ZNF354B: variants seen among roughly 807,000 people sequenced by gnomAD.
The protein encoded by ZNF354B is zinc finger protein 354B.
ZNF354B carries 10 observed loss-of-function variants against 12.9 expected under a neutral mutation model. The observed-to-expected ratio is 0.77, with a 90% CI of 0.48 to 1.31. The LOEUF (loss-of-function observed/expected upper bound fraction) is 1.31. Ranked by LOEUF, ZNF354B falls within the 40% of genes most tolerant of loss-of-function variation. The pLI is 0.00. For synonymous variants in ZNF354B, 260 were observed against 243.7 expected (o/e 1.07, Z -0.62); for missense variants, 614 against 711.7 (o/e 0.86, Z 1.56).
intron 2 of ZNF354B, among the ~76,000 whole-genome samples, chr5:178,864,862 G>T (rs1277237172): frequency 6.6e-6 from 1 of 151,982 alleles, no homozygotes; most frequent in African/African-American, 2.4e-5. Context: ...AGCTCAGGCA[G>T]TCCACCCGCC....
intron 4 of ZNF354B, among the ~76,000 whole-genome samples, chr5:178,871,305 C>G (rs1176949330): frequency 6.6e-6 from 1 of 152,182 alleles, no homozygotes; most frequent in Non-Finnish European, 1.5e-5. Context: ...AGCAGGCCCC[C>G]ACTCAGGGCC....
In ZNF354B at chr5:178,884,335, G is replaced by T; in HGVS notation, c.*44G>T. The stretch of plus-strand genomic sequence containing the variant: ...CATCAGAGAATACATGCTTGAGAGT[G>T]ATTTATTAAATATAATGAATATGAG... On this transcript the variant is annotated 3_prime_UTR_variant, in exon 5 of 5. Coordinates refer to ENST00000322434, the MANE Select transcript of ZNF354B (RefSeq NM_058230.3). 1 of 1,516,368 alleles carries T rather than the reference G, an allele frequency of 6.6e-7. No homozygotes were observed. The highest frequency in any genetic ancestry group is 8.8e-7 in the Non-Finnish European group (1 of 1,134,536). 93.9% of individuals were successfully genotyped at this position (1,516,368 alleles called of 1,614,324 possible).
intron 4 of ZNF354B, among the ~76,000 whole-genome samples, chr5:178,867,926 C>A (rs769415519): frequency 6.6e-6 from 1 of 152,106 alleles, no homozygotes; most frequent in Non-Finnish European, 1.5e-5. Flanking sequence ...CAGATGGTCA[C>A]TTTGGGAGTA....
chr5:178,868,160 G>A lies in ZNF354B; in HGVS notation c.256+1089G>A, dbSNP rs1464974097. ...TCAGGTGGGGAACCCTGGTGGGCAGGTGTGTAAGTGACAGGGCCGAGACTC... is the reference window on the plus strand; with the variant it reads ...TCAGGTGGGGAACCCTGGTGGGCAGATGTGTAAGTGACAGGGCCGAGACTC... On this transcript the variant is annotated intron_variant, in intron 4 of 4. Transcript: ENST00000322434. Among the ~76,000 whole-genome samples, 4 of 151,478 alleles carry A rather than the reference G, an allele frequency of 2.6e-5. No homozygotes were observed. In the East Asian group the frequency reaches 7.7e-4, roughly 29 times the overall value.
At position 178,883,188 on chromosome 5, in the gene ZNF354B, G is replaced by C. The variant is rs773588921; in HGVS notation, c.736G>C (p.Glu246Gln). The change falls in exon 5 of 5, where the codon GAA (glutamate) becomes CAA (glutamine). Residue 246 changes from glutamate (E) to glutamine (Q), a missense_variant. By Grantham distance (29) the Glu-to-Gln change is conservative (BLOSUM62 2). Transcript: ENST00000322434. ...HTGEKLFKCK[E>Q]CLKAFSQSSA... ...TGGAGAAAAATTATTTAAATGTAAA[G>C]AATGTTTAAAAGCTTTCAGCCAAAG... is the stretch of plus-strand genomic sequence containing the variant. The C allele has an allele frequency of 9.3e-6, 15 of 1,613,378 alleles. No homozygotes were observed. The highest frequency in any genetic ancestry group is 1.3e-5 in the Non-Finnish European group (15 of 1,179,874).
intron 4 of ZNF354B, among the ~76,000 whole-genome samples, chr5:178,877,357 A>G (rs534812554): frequency 6.6e-6 from 1 of 152,112 alleles, no homozygotes; most frequent in South Asian, 2.1e-4. Context: ...TTTAGTAGAG[A>G]CAGGATTTCC....
rs1320584701 is a variant in ZNF354B at position 178,883,297 on chromosome 5, G to C, written c.845G>C (p.Ser282Thr). Residue 282 changes from serine (S) to threonine (T), a missense_variant, in exon 5 of 5, where the codon AGT becomes ACT. Physicochemically the swap from Ser to Thr is moderately conservative, Grantham distance 58. Transcript: ENST00000322434. ...CKECGKAFSHSASLCKHLRTH... is the reference protein window; with the variant it reads ...CKECGKAFSHTASLCKHLRTH... Reference sequence around the variant, plus strand: ...GAATGTGGGAAAGCCTTCAGCCATAGTGCATCCCTTTGTAAGCATTTAAGG... The same window carrying C: ...GAATGTGGGAAAGCCTTCAGCCATACTGCATCCCTTTGTAAGCATTTAAGG... 2 of 1,613,772 alleles carry C rather than the reference G, an allele frequency of 1.2e-6. No individual in the cohort carries two copies. The highest frequency in any genetic ancestry group is 2.7e-5 in the African/African-American group (2 of 74,896).
At chr5:178,875,657 G>A (rs1757625409) in intron 4 of ZNF354B, among the ~76,000 whole-genome samples, 1 of 152,216 alleles carries the variant, frequency 6.6e-6, no homozygotes, top group Non-Finnish European at 1.5e-5. Flanking sequence ...TCAGCCGAGG[G>A]GCGAGGTGGC....
At chr5:178,881,712 C>T (rs924906913) in intron 4 of ZNF354B, among the ~76,000 whole-genome samples, 1 of 152,064 alleles carries the variant, frequency 6.6e-6, no homozygotes, top group Admixed American at 6.6e-5. Flanking sequence ...GGCGCAATCT[C>T]GGCTCACTGC....
chr5:178,870,402 C>T (rs184225026), intron 4 of ZNF354B, among the ~76,000 whole-genome samples: 19 of 152,230 alleles, frequency 1.2e-4, no homozygotes, highest in East Asian at 9.7e-4. Flanking sequence ...TCAGCCTCTC[C>T]GGTAGCTGGG....
rs75444240 is a variant in ZNF354B, at chr5:178,870,710, T to C, written c.256+3639T>C. Among the ~76,000 whole-genome samples, 1,634 of 152,326 alleles carry C rather than the reference T, an allele frequency of 0.011. 63 individuals are homozygous for C. The East Asian group carries it at 0.13, about 12-fold the overall frequency. ...CAGGGAGGACTGTCTTTTCCTGATTTGCACAGGATGCTGTGGGGCTTAGCA... is the reference window on the plus strand; with the variant it reads ...CAGGGAGGACTGTCTTTTCCTGATTCGCACAGGATGCTGTGGGGCTTAGCA... On this transcript the variant is annotated intron_variant, in intron 4 of 4. Transcript: ENST00000322434.
chr5:178,861,552 T>G (rs751373658), intron 2 of ZNF354B, among the ~76,000 whole-genome samples: 4 of 152,252 alleles, frequency 2.6e-5, no homozygotes, highest in Non-Finnish European at 5.9e-5. Context: ...TGTATCACTG[T>G]CTTGAAATCT....
chr5:178,881,305 G>T (rs76774003), intron 4 of ZNF354B, among the ~76,000 whole-genome samples: 21,350 of 152,024 alleles, frequency 0.14, 1,741 homozygotes, highest in African/African-American at 0.23. Flanking sequence ...TCAAAAGTAT[G>T]CTGCTAAACA....
rs77941319 is a variant in ZNF354B at position 178,865,660 on chromosome 5, G to A, written c.34-584G>A. ...ATTTTCTTCATAAGGTAATTGTGAA[G>A]GTTAGATACAGTATATACTAATGAT... On this transcript the variant is annotated intron_variant, in intron 2 of 4. Transcript: ENST00000322434. Among the ~76,000 whole-genome samples, 1,221 of 152,244 alleles carry A rather than the reference G, an allele frequency of 8.0e-3. 63 individuals carry two copies. In the East Asian group the frequency reaches 0.13, roughly 16 times the overall value.
intron 4 of ZNF354B, among the ~76,000 whole-genome samples, chr5:178,868,321 C>T (rs1332138007): frequency 6.8e-6 from 1 of 147,898 alleles, no homozygotes; most frequent in Non-Finnish European, 1.5e-5. Flanking sequence ...CTGACAGAGC[C>T]CGAGAAGTAA....
At chr5:178,866,429 T>C in intron 3 of ZNF354B, 59 bp downstream of exon 3, 2 of 1,563,410 alleles carry the variant, frequency 1.3e-6, no homozygotes, top group South Asian at 1.2e-5. Flanking sequence ...CAGCACCTCC[T>C]TCCCTGAATA....
rs138408377 is a variant in ZNF354B at position 178,863,799 on chromosome 5, A to G, written c.34-2445A>G. On this transcript the variant is annotated intron_variant, in intron 2 of 4. Coordinates refer to ENST00000322434, the MANE Select transcript of ZNF354B (RefSeq NM_058230.3). Reference sequence around the variant, plus strand: ...GGAGAGGTGGAAGACAGTGGTGTTGATGCTGACCCGTGTAGGCCTAGACTA... The same window carrying G: ...GGAGAGGTGGAAGACAGTGGTGTTGGTGCTGACCCGTGTAGGCCTAGACTA... Among the ~76,000 whole-genome samples, 822 of 152,338 alleles carry G rather than the reference A, an allele frequency of 5.4e-3. 4 individuals carry two copies. Among genetic ancestry groups the G allele is most frequent in the Middle Eastern group, 0.01 (3 of 294 alleles).
intron 4 of ZNF354B, among the ~76,000 whole-genome samples, chr5:178,872,781 CT>C (rs959827298): frequency 2.6e-5 from 4 of 151,920 alleles, no homozygotes; most frequent in Non-Finnish European, 4.4e-5. Flanking sequence ...TTTGTATTTC[CT>C]TTTTTTTATT....
chr5:178,872,097 C>T (rs1183970311), intron 4 of ZNF354B, among the ~76,000 whole-genome samples: 5 of 152,124 alleles, frequency 3.3e-5, no homozygotes, highest in African/African-American at 4.8e-5. Flanking sequence ...TCCTGGTATC[C>T]GTTTTTACAC....
Sources: allele counts gnomAD v4.1 joint callset (sites outside exome capture counted in the v4.1 genomes callset), GRCh38; gene constraint gnomAD v4.1.1; transcripts MANE v1.5; gene names NCBI Gene and HGNC (gene_info 2026-07-23, HGNC 2026-07-21).